The following CLEC16A variants were observed in gnomAD, a reference collection of about 807,000 sequenced individuals.
CLEC16A encodes C-type lectin domain containing 16A, also known as protein CLEC16A.
In CLEC16A, 51 loss-of-function variants were observed where a neutral mutation model predicts 109.5. The ratio of observed to expected loss-of-function variants is 0.47; its 90% confidence interval spans 0.37 to 0.59. The LOEUF is 0.59. Ranked by LOEUF, CLEC16A falls within the 20% of genes least tolerant of loss-of-function variation. The pLI is 0.00. For missense variants in CLEC16A, 1,339 were observed against 1,394.0 expected (o/e 0.96, Z 0.63); for synonymous variants, 673 against 564.2 (o/e 1.19, Z -2.73).
intron 19 of CLEC16A, among the ~76,000 whole-genome samples, chr16:11,097,193 C>T (rs2050656214): frequency 6.6e-6 from 1 of 152,194 alleles, no homozygotes; most frequent in Admixed American, 6.6e-5. Context: ...AGCTGAAAGA[C>T]TTCTTTGCCA....
chr16:11,063,258 T>C (rs1482087956), intron 19 of CLEC16A, among the ~76,000 whole-genome samples: 2 of 150,014 alleles, frequency 1.3e-5, no homozygotes, highest in Non-Finnish European at 2.9e-5. Context: ...GTTGGTTTAT[T>C]TGGTTTTTTT....
intron 19 of CLEC16A, among the ~76,000 whole-genome samples, chr16:11,110,860 C>G (rs1242017655): frequency 6.6e-6 from 1 of 152,252 alleles, no homozygotes; most frequent in Non-Finnish European, 1.5e-5. Context: ...TAAACCCAGT[C>G]TGCACAGTGC....
chr16:10,987,239 ATC>A (rs1398079915), intron 10 of CLEC16A, among the ~76,000 whole-genome samples: 2 of 151,934 alleles, frequency 1.3e-5, no homozygotes, highest in Admixed American at 6.6e-5. Flanking sequence ...ATACAGAGAG[ATC>A]TTCCTCAGTT....
chr16:11,111,343 C>G (rs763699110), intron 19 of CLEC16A, among the ~76,000 whole-genome samples: 17 of 152,126 alleles, frequency 1.1e-4, no homozygotes, highest in Non-Finnish European at 2.2e-4. Context: ...TGGGCCTGGA[C>G]CTTGGTTTCT....
intron 19 of CLEC16A, among the ~76,000 whole-genome samples, chr16:11,107,706 C>T (rs1022779414): frequency 3.3e-5 from 5 of 152,232 alleles, no homozygotes; most frequent in African/African-American, 4.8e-5. Context: ...TTCCTTGTCA[C>T]TCCAGCTCTG....
intron 18 of CLEC16A, among the ~76,000 whole-genome samples, chr16:11,059,449 A>C (rs2048369446): frequency 6.6e-6 from 1 of 152,202 alleles, no homozygotes; most frequent in East Asian, 1.9e-4. Flanking sequence ...CAACATTAGG[A>C]AGTTGCTCCA....
intron 11 of CLEC16A, among the ~76,000 whole-genome samples, chr16:11,018,555 C>T (rs2045902462): frequency 6.6e-6 from 1 of 151,946 alleles, no homozygotes; most frequent in African/African-American, 2.4e-5. Flanking sequence ...GGAGACCATC[C>T]TGGCCAACAC....
chr16:11,148,660 C>T (rs2054167731), intron 22 of CLEC16A, among the ~76,000 whole-genome samples: 1 of 152,234 alleles, frequency 6.6e-6, no homozygotes, highest in Admixed American at 6.5e-5. Context: ...ATATTATGCG[C>T]CTCCGTTTCC....
chr16:11,039,347 T>C (rs1476125997), intron 13 of CLEC16A, among the ~76,000 whole-genome samples: 1 of 152,226 alleles, frequency 6.6e-6, no homozygotes, highest in Non-Finnish European at 1.5e-5. Flanking sequence ...CTGGCAATTA[T>C]TGCATCAATC....
intron 23 of CLEC16A, among the ~76,000 whole-genome samples, chr16:11,168,498 C>A (rs971032755): frequency 1.3e-5 from 2 of 152,242 alleles, no homozygotes; most frequent in African/African-American, 4.8e-5. Flanking sequence ...TGAGGCCCAG[C>A]CTGCCTGTCT....
At chr16:11,025,081 C>T (rs914421765) in intron 13 of CLEC16A, among the ~76,000 whole-genome samples, 160 bp downstream of exon 13, 1 of 152,180 alleles carries the variant, frequency 6.6e-6, no homozygotes, top group African/African-American at 2.4e-5. Context: ...TCCTCTTTAG[C>T]TTCTTTAGAA....
At chr16:10,990,846 A>G (rs8055968) in intron 10 of CLEC16A, among the ~76,000 whole-genome samples, 127,954 of 152,228 alleles carry the variant, frequency 0.84, 54,262 homozygotes, top group African/African-American at 0.96. Context: ...AATGAGGTAC[A>G]TGCCACTTCT....
Position 10,977,324 on chromosome 16 carries a change from C to A in CLEC16A, c.828C>A (p.Asn276Lys), listed in dbSNP as rs200381678. ...DILIINCEFL[N>K]DVLTDHLLNR... ...TGATCATCAACTGTGAGTTCCTCAA[C>A]GATGTGCTCACTGACCACCTGCTCA... Residue 276 changes from asparagine to lysine, a missense_variant, in exon 8 of 24, where the codon AAC becomes AAA. Asn to Lys is a moderately conservative substitution (Grantham distance 94, BLOSUM62 0). Around this residue, in one of 3 missense-constraint regions of CLEC16A, gnomAD observed 161 missense variants for 267.1 expected, o/e 0.60. Transcript: ENST00000409790. 7 of 1,613,866 alleles carry A rather than the reference C, an allele frequency of 4.3e-6. No individual in the cohort carries two copies. In the Admixed American group the frequency reaches 1.2e-4, roughly 27 times the overall value.
intron 22 of CLEC16A, among the ~76,000 whole-genome samples, chr16:11,144,356 T>A (rs1377641548): frequency 1.3e-5 from 2 of 152,148 alleles, no homozygotes; most frequent in Non-Finnish European, 2.9e-5. Context: ...TTGGGTCAGC[T>A]CTTTGCTCCT....
chr16:11,131,028 A>G (rs536545583), intron 22 of CLEC16A, among the ~76,000 whole-genome samples: 1 of 151,110 alleles, frequency 6.6e-6, no homozygotes, highest in South Asian at 2.1e-4. Flanking sequence ...CATTTGGCTC[A>G]GAAAAAAAAA....
intron 22 of CLEC16A, among the ~76,000 whole-genome samples, chr16:11,130,844 G>A (rs952697560): frequency 6.6e-6 from 1 of 152,196 alleles, no homozygotes; most frequent in African/African-American, 2.4e-5. Context: ...CACATCTTCC[G>A]ATTTTATCTG....
chr16:11,029,156 A>C (rs370747724), intron 13 of CLEC16A, among the ~76,000 whole-genome samples: 116 of 152,080 alleles, frequency 7.6e-4, no homozygotes, highest in African/African-American at 2.8e-3. Context: ...GCTCTGTGAG[A>C]GCTGGTCCAG....
intron 5 of CLEC16A, chr16:10,971,512 A>G (rs1377913484): frequency 1.0e-6 from 1 of 981,374 alleles, no homozygotes; most frequent in African/African-American, 1.7e-5. Flanking sequence ...TATGTTTTAG[A>G]ATTTGAGAAA....
At chr16:11,165,971 G>A (rs1273208954) in intron 22 of CLEC16A, among the ~76,000 whole-genome samples, 1 of 152,168 alleles carries the variant, frequency 6.6e-6, no homozygotes, top group Non-Finnish European at 1.5e-5. Flanking sequence ...TATGACTTCA[G>A]AGCATGGGTC....
Sources: allele counts gnomAD v4.1 joint callset (sites outside exome capture counted in the v4.1 genomes callset), GRCh38; gene constraint gnomAD v4.1.1; regional missense constraint gnomAD v4.1.1; transcripts MANE v1.5; gene names NCBI Gene and HGNC (gene_info 2026-07-23, HGNC 2026-07-21).